EDNRB: variants seen among roughly 807,000 people sequenced by gnomAD.
The protein encoded by EDNRB is endothelin receptor type B.
In EDNRB, 18 loss-of-function variants were observed where a neutral mutation model predicts 46.4. The observed-to-expected ratio is 0.39, with a 90% CI of 0.27 to 0.57. The LOEUF (loss-of-function observed/expected upper bound fraction) is 0.57. EDNRB is among the 20% of genes least tolerant of loss of function. EDNRB has a pLI of 0.61. For synonymous variants in EDNRB, 213 were observed against 204.9 expected (o/e 1.04, Z -0.34); for missense variants, 434 against 537.5 (o/e 0.81, Z 1.90).
At position 77,897,024 on chromosome 13, in the gene EDNRB, A is replaced by G. The variant is rs1019720885; in HGVS notation, c.*1176T>C. 2.0e-6 allele frequency: 2 copies of G among 988,748 alleles called. No homozygotes were observed. The highest frequency in any genetic ancestry group is 3.5e-5 in the African/African-American group (2 of 57,256). The allele number at this position is 988,748 out of a possible 1,614,324, so 61.2% of individuals were successfully genotyped here. On this transcript the variant is annotated 3_prime_UTR_variant, in exon 7 of 7. Transcript: ENST00000646607. The stretch of plus-strand genomic sequence containing the variant: ...AGCTTTACAGGTAGCTGTTAAATGT[A>G]CTAATCTGTATGATTTTGAAAAATA...
intron 1 of EDNRB, among the ~76,000 whole-genome samples, chr13:77,969,426 C>A (rs1237211619): frequency 1.3e-5 from 2 of 152,142 alleles, no homozygotes; most frequent in East Asian, 1.9e-4. Flanking sequence ...GAGTGTGGTA[C>A]AATTATGTCT....
chr13:77,906,984 GA>G (rs1879313525), intron 1 of EDNRB, among the ~76,000 whole-genome samples: 1 of 152,074 alleles, frequency 6.6e-6, no homozygotes, highest in African/African-American at 2.4e-5. Flanking sequence ...TGGTTTGAAG[GA>G]GGTGATTGTA....
chr13:77,954,979 T>C (rs1236256883), intron 1 of EDNRB, among the ~76,000 whole-genome samples: 1 of 152,214 alleles, frequency 6.6e-6, no homozygotes, highest in East Asian at 1.9e-4. Flanking sequence ...TTTAGATACA[T>C]ACTCAGAAGT....
chr13:77,901,631 C>A (rs896729970), intron 3 of EDNRB, among the ~76,000 whole-genome samples: 1 of 151,924 alleles, frequency 6.6e-6, no homozygotes, highest in Non-Finnish European at 1.5e-5. Context: ...ACAACAGATA[C>A]GAAAAGGTCT....
At position 77,896,616 on chromosome 13, in the gene EDNRB, C is replaced by G; in HGVS notation, c.*1584G>C. ...CATATTTTAAGACCGAGTTAAAGCTCTTGGGCCCAATTTATTTCGAAAGTC... is the reference window on the plus strand; with the variant it reads ...CATATTTTAAGACCGAGTTAAAGCTGTTGGGCCCAATTTATTTCGAAAGTC... On this transcript the variant is annotated 3_prime_UTR_variant, in exon 7 of 7. Transcript: ENST00000646607. 6.5e-7 allele frequency: 1 copy of G among 1,533,666 alleles called. No homozygotes were observed. Among genetic ancestry groups the G allele is most frequent in the Non-Finnish European group, 8.8e-7 (1 of 1,140,480 alleles).
rs994032755 is a variant in EDNRB, at chr13:77,898,409, T to A, written c.1195-75A>T. On this transcript the variant is annotated intron_variant, in intron 6 of 6. Coordinates refer to ENST00000646607, the MANE Select transcript of EDNRB (RefSeq NM_001122659.3). Reference sequence around the variant, plus strand: ...CAACTCTTCCTCCTCTCCAGGGTTCTGACTTTCTTTGTATGATTAGGAGTT... The same window carrying A: ...CAACTCTTCCTCCTCTCCAGGGTTCAGACTTTCTTTGTATGATTAGGAGTT... 81 of 1,596,210 alleles carry A rather than the reference T, an allele frequency of 5.1e-5. No individual in the cohort carries two copies. In the East Asian group the frequency reaches 1.8e-3, roughly 35 times the overall value.
upstream of EDNRB, among the ~76,000 whole-genome samples, chr13:77,923,512 A>G (rs1008536946): frequency 6.6e-6 from 1 of 152,196 alleles, no homozygotes; most frequent in Non-Finnish European, 1.5e-5. Flanking sequence ...AGAAAACACT[A>G]TCATTACTGT....
intron 1 of EDNRB, among the ~76,000 whole-genome samples, chr13:77,949,930 C>T (rs1331293541): frequency 1.3e-5 from 2 of 152,072 alleles, no homozygotes; most frequent in Non-Finnish European, 1.5e-5. Context: ...ACCATATAAC[C>T]TCTCCTCCCC....
chr13:77,919,402 G>T, upstream of EDNRB: 1 of 1,610,384 alleles, frequency 6.2e-7, no homozygotes, highest in East Asian at 2.2e-5. Flanking sequence ...TTTACCTCTC[G>T]GATCTGACAA....
chr13:77,942,698 C>T (rs1277816729), intron 1 of EDNRB, among the ~76,000 whole-genome samples: 1 of 151,952 alleles, frequency 6.6e-6, no homozygotes, highest in Non-Finnish European at 1.5e-5. Flanking sequence ...CTAGATAAAA[C>T]TACATAATTT....
intron 1 of EDNRB, among the ~76,000 whole-genome samples, chr13:77,916,294 G>T (rs1415140341): frequency 1.3e-5 from 2 of 152,108 alleles, no homozygotes; most frequent in African/African-American, 4.8e-5. Flanking sequence ...TTCTCAATTC[G>T]GTTTTGATGA....
intron 1 of EDNRB, among the ~76,000 whole-genome samples, chr13:77,933,372 A>C (rs1316490772): frequency 6.6e-6 from 1 of 152,146 alleles, no homozygotes; most frequent in African/African-American, 2.4e-5. Context: ...GGGTAGGTAA[A>C]GGAAAATTAC....
In EDNRB at chr13:77,903,533, TC is replaced by T; in HGVS notation, c.557del (p.Gly186GlufsTer5). ...GAGCACATAGACTCAGCACAGTGAT[TC>T]CCACAGAGGCTTTCTGTATGAAAGG... ...LVPFIQKASVGITVLSLCALS... is the reference protein window; with the variant it reads ...LVPFIQKASVXITVLSLCALS... On this transcript the variant is annotated frameshift_variant, in exon 2 of 7. Coordinates refer to ENST00000646607, the MANE Select transcript of EDNRB (RefSeq NM_001122659.3). LOFTEE classifies it high-confidence loss of function. 6.2e-7 allele frequency: 1 copy of T among 1,612,936 alleles called. No homozygotes were observed. Among genetic ancestry groups the T allele is most frequent in the Non-Finnish European group, 8.5e-7 (1 of 1,179,312 alleles).
chr13:77,936,439 G>A (rs1412046930), intron 1 of EDNRB, among the ~76,000 whole-genome samples: 2 of 152,184 alleles, frequency 1.3e-5, no homozygotes, highest in Non-Finnish European at 2.9e-5. Context: ...GGAGGCAAGG[G>A]AAACAGGCCC....
intron 1 of EDNRB, among the ~76,000 whole-genome samples, chr13:77,974,018 G>T (rs925293009): frequency 6.6e-6 from 1 of 150,870 alleles, no homozygotes; most frequent in Non-Finnish European, 1.5e-5. Flanking sequence ...GTCTAAGGCC[G>T]CAAGAATAGA....
intron 1 of EDNRB, among the ~76,000 whole-genome samples, chr13:77,909,194 T>C (rs1879446300): frequency 6.6e-6 from 1 of 152,068 alleles, no homozygotes; most frequent in Non-Finnish European, 1.5e-5. Context: ...TTTATAACTT[T>C]ACCTTGGAAC....
chr13:77,936,215 A>G (rs527925791), intron 1 of EDNRB, among the ~76,000 whole-genome samples: 1 of 152,180 alleles, frequency 6.6e-6, no homozygotes, highest in South Asian at 2.1e-4. Context: ...GGAGGCTTTG[A>G]ACTGGGGGAA....
intron 1 of EDNRB, among the ~76,000 whole-genome samples, chr13:77,959,386 T>C (rs1287964869): frequency 6.6e-6 from 1 of 152,180 alleles, no homozygotes; most frequent in Non-Finnish European, 1.5e-5. Flanking sequence ...TGTTCAGCAA[T>C]ATTCGCTGTT....
At chr13:77,920,164 A>T (rs568613240), upstream of EDNRB, among the ~76,000 whole-genome samples, 108 of 152,310 alleles carry the variant, frequency 7.1e-4, no homozygotes, top group Non-Finnish European at 1.3e-3. Context: ...AGGCATTTTT[A>T]TACTGTACCT....
Sources: allele counts gnomAD v4.1 joint callset (sites outside exome capture counted in the v4.1 genomes callset), GRCh38; gene constraint gnomAD v4.1.1; transcripts MANE v1.5; gene names NCBI Gene and HGNC (gene_info 2026-07-23, HGNC 2026-07-21).